PPM1B: variants seen among roughly 807,000 people sequenced by gnomAD.
PPM1B encodes the protein protein phosphatase 1B.
In PPM1B, 22 loss-of-function variants were observed where a neutral mutation model predicts 43.0. The ratio of observed to expected loss-of-function variants is 0.51; its 90% CI spans 0.37 to 0.73. PPM1B has a LOEUF of 0.73. Ranked by LOEUF, PPM1B falls within the 30% of genes least tolerant of loss-of-function variation. The pLI is 0.00. For synonymous variants in PPM1B, 217 were observed against 197.9 expected (o/e 1.10, Z -0.81); for missense variants, 632 against 584.2 (o/e 1.08, Z -0.84).
intron 1 of PPM1B, among the ~76,000 whole-genome samples, chr2:44,195,373 T>C (rs1425314903): frequency 6.6e-6 from 1 of 152,030 alleles, no homozygotes; most frequent in Non-Finnish European, 1.5e-5. Context: ...TAGGCTAATA[T>C]TTTTCCCCAA....
At chr2:44,228,435 G>T (rs762382633) in intron 5 of PPM1B, among the ~76,000 whole-genome samples, 6 of 152,112 alleles carry the variant, frequency 3.9e-5, no homozygotes, top group Non-Finnish European at 7.4e-5. Context: ...GTCTCCCAAA[G>T]TGGTGAAATT....
chr2:44,213,802 T>C (rs952086170), intron 3 of PPM1B: 3 of 152,320 alleles, frequency 2.0e-5, no homozygotes, highest in South Asian at 2.1e-4. Flanking sequence ...CATATTCCTA[T>C]TGATAATATC....
intron 1 of PPM1B, among the ~76,000 whole-genome samples, chr2:44,172,475 A>C (rs986920400): frequency 6.6e-6 from 1 of 152,230 alleles, no homozygotes; most frequent in Non-Finnish European, 1.5e-5. Context: ...TGATCTAACA[A>C]GAACAGGTGA....
intron 5 of PPM1B, among the ~76,000 whole-genome samples, chr2:44,220,782 T>G (rs960616616): frequency 1.1e-4 from 16 of 152,262 alleles, no homozygotes; most frequent in Non-Finnish European, 2.4e-4. Context: ...AAAGTTCAGC[T>G]GCTTAAGCAG....
chr2:44,194,357 C>G (rs759411146), intron 1 of PPM1B, among the ~76,000 whole-genome samples: 9 of 152,092 alleles, frequency 5.9e-5, no homozygotes, highest in Non-Finnish European at 8.8e-5. Context: ...TTCTCTGGGA[C>G]TAGTGAATTT....
intron 1 of PPM1B, among the ~76,000 whole-genome samples, chr2:44,192,608 A>T (rs574111795): frequency 6.6e-6 from 1 of 152,214 alleles, no homozygotes; most frequent in Non-Finnish European, 1.5e-5. Context: ...ATATGTATGC[A>T]GTGTAAAATG....
chr2:44,211,246 C>G (rs534250780), intron 3 of PPM1B, among the ~76,000 whole-genome samples: 1 of 152,318 alleles, frequency 6.6e-6, no homozygotes, highest in Non-Finnish European at 1.5e-5. Context: ...GTCCAGGATG[C>G]AGTCTAGAGC....
chr2:44,205,509 T>C (rs1262043008), intron 2 of PPM1B, among the ~76,000 whole-genome samples: 1 of 152,168 alleles, frequency 6.6e-6, no homozygotes, highest in Non-Finnish European at 1.5e-5. Flanking sequence ...TGTTTCTGCT[T>C]TCCAGTCTCA....
intron 1 of PPM1B, among the ~76,000 whole-genome samples, chr2:44,194,379 A>C (rs1486878552): frequency 2.0e-5 from 3 of 152,276 alleles, no homozygotes; most frequent in South Asian, 4.1e-4. Context: ...CTCAGAGAGC[A>C]ATAGAGCTGT....
chr2:44,191,465 C>T (rs1668400766), intron 1 of PPM1B, among the ~76,000 whole-genome samples: 1 of 152,218 alleles, frequency 6.6e-6, no homozygotes, highest in African/African-American at 2.4e-5. Flanking sequence ...TCGCCTGCCT[C>T]AGCCTCCCAA....
At chr2:44,178,474 A>ATATATATATATATATAT (rs1445760590) in intron 1 of PPM1B, among the ~76,000 whole-genome samples, 3 of 135,336 alleles carry the variant, frequency 2.2e-5, no homozygotes, top group African/African-American at 8.3e-5. Context: ...ATATATATAT[A>ATATATATATATATATAT]TTTTTTTTTT....
intron 2 of PPM1B, among the ~76,000 whole-genome samples, chr2:44,203,939 C>T (rs1669056001): frequency 6.6e-6 from 1 of 152,154 alleles, no homozygotes; most frequent in African/African-American, 2.4e-5. Flanking sequence ...TATATCTTCA[C>T]TTGCTAGCTT....
rs146327374 is a variant in PPM1B at position 44,187,825 on chromosome 2, C to G, written c.-14-13361C>G. On this transcript the variant is annotated intron_variant, in intron 1 of 5. Transcript: ENST00000282412. The stretch of plus-strand genomic sequence containing the variant: ...AGTGCAGTGGTGCGATCTTGGCTGA[C>G]TGCAAGCTCCGCCTCCCGGGTTCAC... Among the ~76,000 whole-genome samples the G allele has an allele frequency of 8.7e-3, 1,326 of 152,184 alleles. 16 individuals carry two copies. Among genetic ancestry groups the G allele is most frequent in the African/African-American group, 0.031 (1,274 of 41,528 alleles).
intron 2 of PPM1B, 142 bp from the exon 3 acceptor site, chr2:44,209,068 A>C (rs1254087227): frequency 5.6e-6 from 4 of 712,482 alleles, no homozygotes; most frequent in African/African-American, 1.8e-5. Context: ...TGTTTTTAGT[A>C]ATTCATTGGA....
intron 1 of PPM1B, among the ~76,000 whole-genome samples, chr2:44,188,939 A>T (rs1178168549): frequency 4.6e-5 from 7 of 151,454 alleles, no homozygotes; most frequent in African/African-American, 1.7e-4. Flanking sequence ...TTTTTCCCCC[A>T]AGCACTTCAG....
intron 3 of PPM1B, among the ~76,000 whole-genome samples, chr2:44,212,742 G>A (rs771261591): frequency 1.3e-5 from 2 of 152,064 alleles, no homozygotes; most frequent in African/African-American, 2.4e-5. Flanking sequence ...CAGTCATGGT[G>A]GCTCACGCCT....
At chr2:44,218,191 AGT>A in intron 4 of PPM1B, 113 bp downstream of exon 4, 2 of 794,832 alleles carry the variant, frequency 2.5e-6, no homozygotes, top group Non-Finnish European at 4.2e-6. Context: ...GAAATGGGTT[AGT>A]GTTTCTTATA....
chr2:44,176,561 A>G (rs768748655), intron 1 of PPM1B, among the ~76,000 whole-genome samples: 1 of 152,152 alleles, frequency 6.6e-6, no homozygotes, highest in Non-Finnish European at 1.5e-5. Flanking sequence ...AGATGGGCGT[A>G]TTGCACTTAG....
chr2:44,207,934 G>T (rs1465541263), intron 2 of PPM1B, among the ~76,000 whole-genome samples: 1 of 145,436 alleles, frequency 6.9e-6, no homozygotes, highest in Non-Finnish European at 1.5e-5. Flanking sequence ...TGTTGCCCAG[G>T]CTGGAGTACA....
Sources: gnomAD v4.1 joint callset for allele counts (sites outside exome capture counted in the v4.1 genomes callset) on GRCh38, gnomAD v4.1.1 for gene constraint, MANE v1.5 for transcripts, NCBI Gene and HGNC (gene_info 2026-07-23, HGNC 2026-07-21) for gene names.